EPHA4: variants seen among roughly 807,000 people sequenced by gnomAD.
EPHA4 encodes EPH receptor A4.
A neutral mutation model predicts 108.3 loss-of-function variants in EPHA4; 19 were observed. The observed-to-expected ratio is 0.18, with a 90% CI of 0.12 to 0.26. EPHA4 has a LOEUF of 0.26. EPHA4 is among the 10% of genes least tolerant of loss of function. EPHA4 has a pLI of 1.00. For missense variants in EPHA4, 917 were observed against 1,254.0 expected (o/e 0.73, Z 4.06); for synonymous variants, 449 against 455.5 (o/e 0.99, Z 0.18).
At chr2:221,570,723 G>A (rs1020770044) in intron 1 of EPHA4, among the ~76,000 whole-genome samples, 1 of 152,244 alleles carries the variant, frequency 6.6e-6, no homozygotes, top group Non-Finnish European at 1.5e-5. Context: ...TGGATGGACG[G>A]ATGTCTGGAG....
intron 5 of EPHA4, among the ~76,000 whole-genome samples, chr2:221,481,594 C>T (rs746035766): frequency 3.9e-5 from 6 of 152,048 alleles, no homozygotes; most frequent in Non-Finnish European, 8.8e-5. Flanking sequence ...ATGGAGGTTG[C>T]AGTGAGCCGA....
At chr2:221,491,269 G>C (rs1004451762) in intron 4 of EPHA4, among the ~76,000 whole-genome samples, 19 of 152,126 alleles carry the variant, frequency 1.2e-4, no homozygotes, top group African/African-American at 4.3e-4. Context: ...GTAGAATTGA[G>C]TATTTCATTT....
intron 11 of EPHA4, among the ~76,000 whole-genome samples, chr2:221,438,553 C>G (rs956216566): frequency 1.3e-5 from 2 of 151,988 alleles, no homozygotes; most frequent in African/African-American, 2.4e-5. Flanking sequence ...TTTGGGAGGC[C>G]GAGGCAGGTG....
intron 8 of EPHA4, among the ~76,000 whole-genome samples, chr2:221,448,822 T>C (rs1405415828): frequency 6.6e-6 from 1 of 152,178 alleles, no homozygotes; most frequent in Non-Finnish European, 1.5e-5. Context: ...AAAGCTTTGG[T>C]ACCAACTTAA....
rs1248934067 is a variant in EPHA4 at position 221,496,909 on chromosome 2, C to CA, written c.979+4107dup. 1.7e-3 allele frequency among the ~76,000 whole-genome samples: 237 copies of CA among 142,790 alleles called. 6 individuals are homozygous for CA. The East Asian group carries it at 0.024, about 14-fold the overall frequency. The allele number at this position is 142,790 out of a possible 152,430, so 93.7% of individuals were successfully genotyped here. ...GGGTGACAAGAGCAAAACTCGGTCT[C>CA]AAAAAAAAAAAATTTAGTTCCATTG... On this transcript the variant is annotated intron_variant, in intron 4 of 17. Coordinates refer to ENST00000281821, the MANE Select transcript of EPHA4 (RefSeq NM_004438.5).
chr2:221,527,633 G>T (rs1266064117), intron 3 of EPHA4, among the ~76,000 whole-genome samples: 1 of 152,190 alleles, frequency 6.6e-6, no homozygotes, highest in African/African-American at 2.4e-5. Flanking sequence ...GGGCAAGAGC[G>T]TGTGTCTGTG....
intron 3 of EPHA4, among the ~76,000 whole-genome samples, chr2:221,547,965 C>T (rs1429842457): frequency 1.3e-5 from 2 of 152,134 alleles, no homozygotes; most frequent in East Asian, 3.9e-4. Flanking sequence ...ATAATTTCTT[C>T]CCAAAGATAT....
chr2:221,509,760 A>T (rs1334744864), intron 3 of EPHA4, among the ~76,000 whole-genome samples: 16 of 152,360 alleles, frequency 1.1e-4, no homozygotes, highest in African/African-American at 3.6e-4. Context: ...GCAAAAAATA[A>T]ACTACAAACA....
At position 221,468,533 on chromosome 2, in the gene EPHA4, A is replaced by G. The variant is rs1202243360; in HGVS notation, c.1319-10543T>C. On this transcript the variant is annotated intron_variant, in intron 5 of 17. Coordinates refer to ENST00000281821, the MANE Select transcript of EPHA4 (RefSeq NM_004438.5). ...TGCTAATCGTCCTGCTGTGTTAGGA[A>G]CCCATGAGACAATGCTGTAACATTT... 2.0e-5 allele frequency among the ~76,000 whole-genome samples: 3 copies of G among 152,114 alleles called. No homozygotes were observed. In the East Asian group the frequency reaches 5.8e-4, roughly 29 times the overall value.
At chr2:221,517,565 C>A (rs898261380) in intron 3 of EPHA4, among the ~76,000 whole-genome samples, 3 of 151,950 alleles carry the variant, frequency 2.0e-5, no homozygotes, top group Non-Finnish European at 4.4e-5. Flanking sequence ...TGGAGGAGGG[C>A]GAGCCGGGAG....
chr2:221,560,278 G>A (rs1029631349), intron 3 of EPHA4, among the ~76,000 whole-genome samples: 38 of 152,114 alleles, frequency 2.5e-4, no homozygotes, highest in Admixed American at 5.2e-4. Flanking sequence ...AGACAATTGG[G>A]GAGGAAACTG....
At chr2:221,546,566 GAACT>G (rs1211988524) in intron 3 of EPHA4, among the ~76,000 whole-genome samples, 15 of 151,928 alleles carry the variant, frequency 9.9e-5, no homozygotes, top group African/African-American at 3.4e-4. Context: ...TGAGAAGCAT[GAACT>G]AACTAAAGGA....
At chr2:221,424,435 A>G (rs1453381651) in intron 17 of EPHA4, among the ~76,000 whole-genome samples, 1 of 152,006 alleles carries the variant, frequency 6.6e-6, no homozygotes, top group African/African-American at 2.4e-5. Context: ...GGTCGTTAAA[A>G]TCAGCAACTC....
intron 3 of EPHA4, among the ~76,000 whole-genome samples, chr2:221,537,832 G>T (rs571083548): frequency 6.6e-6 from 1 of 152,124 alleles, no homozygotes; most frequent in African/African-American, 2.4e-5. Flanking sequence ...CAAAGATGAC[G>T]ATGACGAAGA....
At chr2:221,441,236 A>T (rs1472353914) in intron 11 of EPHA4, among the ~76,000 whole-genome samples, 3 of 146,568 alleles carry the variant, frequency 2.0e-5, no homozygotes, top group Non-Finnish European at 3.0e-5. Context: ...GGTTTCTATT[A>T]AAAAAATAGA....
chr2:221,563,845 AGTT>A lies in EPHA4; in HGVS notation c.706_708del (p.Asn236del). ...ATTTTTGGCACATCTTTCTCTTCTG[AGTT>A]GTTGACACAGGAGCCTCGAACTTCC... On this transcript the variant is annotated inframe_deletion, in exon 3 of 18. Transcript: ENST00000281821. The A allele has an allele frequency of 6.2e-7, 1 of 1,614,044 alleles. No individual in the cohort carries two copies. The highest frequency in any genetic ancestry group is 8.5e-7 in the Non-Finnish European group (1 of 1,180,020).
In EPHA4 at chr2:221,571,368, C is replaced by T. The variant is rs1470717636; in HGVS notation, c.91+790G>A. ...CACAGACACACAGGCACATACAATC[C>T]TCCCAGCACGTCCGAACGGATGCAC... On this transcript the variant is annotated intron_variant, in intron 1 of 17. Coordinates refer to ENST00000281821, the MANE Select transcript of EPHA4 (RefSeq NM_004438.5). The surrounding 1 kb of genome is among the most constrained non-coding windows in gnomAD (Gnocchi z 6.3). Among the ~76,000 whole-genome samples, 3 of 147,258 alleles carry T rather than the reference C, an allele frequency of 2.0e-5. No homozygotes were observed. The highest frequency in any genetic ancestry group is 7.4e-5 in the African/African-American group (3 of 40,410).
rs1694677168 is a variant in EPHA4 at position 221,566,948 on chromosome 2, A to AGG, written c.159+1768_159+1769dup. 6.4e-5 allele frequency among the ~76,000 whole-genome samples: 4 copies of AGG among 62,924 alleles called. 1 individual carries two copies. The highest frequency in any genetic ancestry group is 1.7e-4 in the Admixed American group (1 of 6,006). 41.3% of individuals were successfully genotyped at this position (62,924 alleles called of 152,430 possible). On this transcript the variant is annotated intron_variant, in intron 2 of 17. Transcript: ENST00000281821. ...AAGGAGAAGGAGAAGGAGAAGGAGAAGGAGAAGGGGAAGAGGAAGAGGAAG... is the reference window on the plus strand; with the variant it reads ...AAGGAGAAGGAGAAGGAGAAGGAGAAGGGGAGAAGGGGAAGAGGAAGAGGAAG...
chr2:221,445,206 A>C (rs558062244), intron 9 of EPHA4, among the ~76,000 whole-genome samples: 1 of 152,294 alleles, frequency 6.6e-6, no homozygotes, highest in African/African-American at 2.4e-5. Flanking sequence ...ATTGGCTTAC[A>C]TTTTGGACAG....
Sources: gnomAD v4.1 joint callset for allele counts (sites outside exome capture counted in the v4.1 genomes callset) on GRCh38, gnomAD v4.1.1 for gene constraint, Gnocchi (gnomAD v3.1) non-coding constraint, MANE v1.5 for transcripts, NCBI Gene and HGNC (gene_info 2026-07-23, HGNC 2026-07-21) for gene names.